Variants in ARB2A observed in about 807,000 individuals in gnomAD.
ARB2A encodes the protein ARB2 cotranscriptional regulator A.
the ARB2A span, among the ~76,000 whole-genome samples, chr5:94,011,884 A>T: frequency 0.089 from 11,557 of 130,008 alleles, 615 homozygotes; most frequent in Middle Eastern, 0.13. Context: ...AGAGTGATTT[A>T]AAAAAAAAAA....
the ARB2A span, among the ~76,000 whole-genome samples, chr5:93,668,940 C>G: frequency 2.0e-5 from 3 of 152,102 alleles, no homozygotes; most frequent in Non-Finnish European, 4.4e-5. Flanking sequence ...ACTGGATTGG[C>G]CTATAATTTT....
chr5:93,938,006 C>T, the ARB2A span, among the ~76,000 whole-genome samples: 2 of 151,982 alleles, frequency 1.3e-5, no homozygotes, highest in East Asian at 3.9e-4. Flanking sequence ...GTTGTGGCAC[C>T]CACAGATGCA....
At chr5:93,960,966 C>T in the ARB2A span, among the ~76,000 whole-genome samples, 2 of 151,630 alleles carry the variant, frequency 1.3e-5, no homozygotes, top group Admixed American at 1.3e-4. Flanking sequence ...GAAAACCAAA[C>T]CTAAGAAGAA....
chr5:94,062,356 T>C, the ARB2A span, among the ~76,000 whole-genome samples: 2 of 152,014 alleles, frequency 1.3e-5, no homozygotes, highest in African/African-American at 2.4e-5. Flanking sequence ...AAGTAAATAA[T>C]CACATCTCAA....
the ARB2A span, among the ~76,000 whole-genome samples, chr5:94,081,465 C>T: frequency 6.6e-6 from 1 of 151,996 alleles, no homozygotes; most frequent in African/African-American, 2.4e-5. Flanking sequence ...AATGGATAAA[C>T]AAAATATGGT....
the ARB2A span, among the ~76,000 whole-genome samples, chr5:93,970,400 G>A: frequency 6.6e-6 from 1 of 151,934 alleles, no homozygotes; most frequent in Non-Finnish European, 1.5e-5. Context: ...AACAGACTAA[G>A]TATCTGAATT....
the ARB2A span, among the ~76,000 whole-genome samples, chr5:94,024,894 C>T: frequency 3.9e-5 from 6 of 152,130 alleles, no homozygotes. Context: ...TTATATAGCT[C>T]ATGCACAGGG....
the ARB2A span, among the ~76,000 whole-genome samples, chr5:94,012,184 C>T: frequency 6.6e-6 from 1 of 152,176 alleles, no homozygotes; most frequent in Non-Finnish European, 1.5e-5. Context: ...GGGCAGATCA[C>T]AAGGTCAGGA....
At chr5:93,724,952 A>G in the ARB2A span, among the ~76,000 whole-genome samples, 1 of 152,080 alleles carries the variant, frequency 6.6e-6, no homozygotes, top group African/African-American at 2.4e-5. Context: ...TGAGACAGCT[A>G]TTAAGTGACT....
the ARB2A span, among the ~76,000 whole-genome samples, chr5:93,852,052 C>T: frequency 1.3e-3 from 202 of 152,236 alleles, no homozygotes; most frequent in African/African-American, 4.5e-3. Flanking sequence ...AGGGTTGAAC[C>T]AGTTTACAGT....
At chr5:93,744,848 A>G in the ARB2A span, among the ~76,000 whole-genome samples, 1 of 152,210 alleles carries the variant, frequency 6.6e-6, no homozygotes, top group South Asian at 2.1e-4. Flanking sequence ...CAATGTAAGA[A>G]TCAGGCCAGT....
chr5:93,835,503 C>A, the ARB2A span, among the ~76,000 whole-genome samples: 1 of 152,090 alleles, frequency 6.6e-6, no homozygotes, highest in African/African-American at 2.4e-5. Flanking sequence ...AAAAAGTAAA[C>A]TGAAAATTTA....
At chr5:93,668,889 T>G in the ARB2A span, among the ~76,000 whole-genome samples, 10 of 152,164 alleles carry the variant, frequency 6.6e-5, no homozygotes, top group Admixed American at 6.5e-4. Context: ...AGACATTGCA[T>G]CTACTCAATC....
chr5:94,050,871 A>T, the ARB2A span: 5 of 1,338,334 alleles, frequency 3.7e-6, no homozygotes, highest in Admixed American at 2.1e-5. Context: ...ACTTCAAAGT[A>T]TATTGACAAT....
chr5:93,667,500 G>A, the ARB2A span, among the ~76,000 whole-genome samples: 1 of 152,110 alleles, frequency 6.6e-6, no homozygotes. Context: ...TTGTTGCCTA[G>A]GCTGGAGAGC....
the ARB2A span, among the ~76,000 whole-genome samples, chr5:93,638,514 T>TTA: frequency 6.6e-6 from 1 of 152,178 alleles, no homozygotes; most frequent in Non-Finnish European, 1.5e-5. Context: ...TACTTGTTGT[T>TTA]GGCATATAGA....
At chr5:93,942,294 C>A in the ARB2A span, among the ~76,000 whole-genome samples, 1 of 152,114 alleles carries the variant, frequency 6.6e-6, no homozygotes, top group East Asian at 1.9e-4. Context: ...AAGCTTTTAA[C>A]CTTTTCTGGA....
the ARB2A span, among the ~76,000 whole-genome samples, chr5:93,939,856 T>C: frequency 2.6e-5 from 4 of 152,212 alleles, no homozygotes; most frequent in South Asian, 8.3e-4. Context: ...TGTAATAGTC[T>C]GCTATGTTAT....
chr5:93,717,164 T>C, the ARB2A span, among the ~76,000 whole-genome samples: 1 of 152,186 alleles, frequency 6.6e-6, no homozygotes, highest in South Asian at 2.1e-4. Flanking sequence ...CTTTAAAGTA[T>C]AACACAAAGA....
Sources: allele counts gnomAD v4.1 joint callset (sites outside exome capture counted in the v4.1 genomes callset), GRCh38; gene constraint gnomAD v4.1.1; transcripts MANE v1.5; gene names NCBI Gene and HGNC (gene_info 2026-07-23, HGNC 2026-07-21).